NSD3: variants seen among roughly 807,000 people sequenced by gnomAD.
NSD3 encodes histone-lysine N-methyltransferase NSD3.
In NSD3, 24 loss-of-function variants were observed where a neutral mutation model predicts 160.8. The observed-to-expected ratio is 0.15, with a 90% CI of 0.11 to 0.21. The LOEUF is 0.21. Ranked by LOEUF, NSD3 falls within the 10% of genes least tolerant of loss-of-function variation. NSD3 has a pLI of 1.00. For synonymous variants in NSD3, 520 were observed against 600.0 expected (o/e 0.87, Z 1.95); for missense variants, 1,157 against 1,735.9 (o/e 0.67, Z 5.93).
intron 1 of NSD3, among the ~76,000 whole-genome samples, chr8:38,376,526 C>G (rs753622045): frequency 1.3e-4 from 19 of 151,998 alleles, no homozygotes; most frequent in African/African-American, 4.6e-4. Flanking sequence ...ACCTCTGCCT[C>G]CTGGGTTCAA....
At chr8:38,371,686 C>T (rs977356097) in intron 1 of NSD3, among the ~76,000 whole-genome samples, 1 of 152,178 alleles carries the variant, frequency 6.6e-6, no homozygotes, top group Non-Finnish European at 1.5e-5. Context: ...ATACTATATT[C>T]TGATGCATTT....
intron 20 of NSD3, 54 bp from the exon 21 acceptor site, chr8:38,279,735 C>T: frequency 6.4e-7 from 1 of 1,564,026 alleles, no homozygotes; most frequent in Non-Finnish European, 8.7e-7. Flanking sequence ...CTCCCAGAAA[C>T]ATCCAACTCA....
chr8:38,362,256 C>T (rs1314108943), intron 1 of NSD3, among the ~76,000 whole-genome samples: 5 of 2,910 alleles, frequency 1.7e-3, no homozygotes, highest in Admixed American at 7.7e-3. Flanking sequence ...TACAGTAAGG[C>T]GGGGGGGGGG....
At chr8:38,361,450 C>T (rs145535098) in intron 1 of NSD3, among the ~76,000 whole-genome samples, 83 of 150,804 alleles carry the variant, frequency 5.5e-4, no homozygotes, top group African/African-American at 1.9e-3. Context: ...GATACTTGAA[C>T]AATAAAAACA....
At chr8:38,338,327 G>T (rs1810275251) in intron 3 of NSD3, among the ~76,000 whole-genome samples, 1 of 149,002 alleles carries the variant, frequency 6.7e-6, no homozygotes, top group African/African-American at 2.5e-5. Context: ...AAATACACAT[G>T]ATCAATTGAA....
chr8:38,276,768 T>C, intron 22 of NSD3: 1 of 442,620 alleles, frequency 2.3e-6, no homozygotes, highest in Non-Finnish European at 4.1e-6. Context: ...CACTGCAGCC[T>C]CGACCTCCTG....
At chr8:38,292,619 A>G (rs1246367826) in intron 16 of NSD3, among the ~76,000 whole-genome samples, 1 of 144,560 alleles carries the variant, frequency 6.9e-6, no homozygotes, top group Non-Finnish European at 1.5e-5. Flanking sequence ...CATCTCTACT[A>G]AAAAAAAAAA....
At position 38,347,820 on chromosome 8, in the gene NSD3, T is replaced by C. The variant is rs768178491; in HGVS notation, c.352A>G (p.Asn118Asp). 1 of 1,614,150 alleles carries C rather than the reference T, an allele frequency of 6.2e-7. No individual in the cohort carries two copies. Among genetic ancestry groups the C allele is most frequent in the African/African-American group, 1.3e-5 (1 of 75,032 alleles). ...TCCAGAATTTCATGTGGTCTTGTGT[T>C]TGGAATTTCTGAATGATAATAGTCA... ...PTDYYHSEIP[N>D]TRPHEILEKP... Residue 118 changes from asparagine to aspartate, a missense_variant, in exon 2 of 24, where the codon AAC becomes GAC. Coordinates refer to ENST00000317025, the MANE Select transcript of NSD3 (RefSeq NM_023034.2).
At chr8:38,333,882 G>GA (rs368105864) in intron 4 of NSD3, among the ~76,000 whole-genome samples, 17 of 147,024 alleles carry the variant, frequency 1.2e-4, no homozygotes, top group Non-Finnish European at 1.8e-4. Context: ...TCAAAAAAAA[G>GA]AAAAAAAAAA....
chr8:38,304,715 GAGTGAT>G lies in NSD3; in HGVS notation c.2477_2482del (p.Tyr826_His827del). 1 of 1,613,918 alleles carries G rather than the reference GAGTGAT, an allele frequency of 6.2e-7. No homozygotes were observed. The highest frequency in any genetic ancestry group is 8.5e-7 in the Non-Finnish European group (1 of 1,179,930). Reference sequence around the variant, plus strand: ...TCCGGCCGCAATGCAAGCATCTCCAGAGTGATAGGCAACTGGACATCTTAAACATCT... The same window carrying G: ...TCCGGCCGCAATGCAAGCATCTCCAGAGGCAACTGGACATCTTAAACATCT... On this transcript the variant is annotated inframe_deletion, in exon 14 of 24. Transcript: ENST00000317025.
chr8:38,303,756 A>C (rs1809330612), intron 14 of NSD3, among the ~76,000 whole-genome samples: 1 of 152,234 alleles, frequency 6.6e-6, no homozygotes, highest in Non-Finnish European at 1.5e-5. Context: ...TGGGCCTTAG[A>C]GGCCTTGAGA....
In NSD3 at chr8:38,288,969, C is replaced by G. The variant is rs1808931534; in HGVS notation, c.3232-213G>C. Among the ~76,000 whole-genome samples, 1 of 152,044 alleles carries G rather than the reference C, an allele frequency of 6.6e-6. No individual in the cohort carries two copies. Among genetic ancestry groups the G allele is most frequent in the Admixed American group, 6.6e-5 (1 of 15,254 alleles). ...TCATGTGAATTTTCACTTATTTATC[C>G]TGGGTATTTCTACTTTCACTAGATG... On this transcript the variant is annotated intron_variant, in intron 18 of 23. Coordinates refer to ENST00000317025, the MANE Select transcript of NSD3 (RefSeq NM_023034.2). This position sits in a 1 kb window ranked among gnomAD's most constrained non-coding sequence, Gnocchi z 4.5.
intron 1 of NSD3, among the ~76,000 whole-genome samples, chr8:38,367,354 C>A (rs1205864551): frequency 6.6e-6 from 1 of 152,072 alleles, no homozygotes; most frequent in East Asian, 1.9e-4. Context: ...CTCCTATTAT[C>A]AATACATAAG....
chr8:38,286,824 G>C (rs1024184443), intron 19 of NSD3, among the ~76,000 whole-genome samples: 1 of 152,142 alleles, frequency 6.6e-6, no homozygotes, highest in South Asian at 2.1e-4. Context: ...CCAGTCTGAC[G>C]TGCTCTTCTC....
intron 11 of NSD3, 130 bp from the exon 12 acceptor site, chr8:38,314,903 C>T (rs969055673): frequency 3.8e-5 from 33 of 859,164 alleles, no homozygotes; most frequent in Admixed American, 1.1e-4. Context: ...GCGGGGGCCC[C>T]AAGAATGTGC....
At chr8:38,309,729 ACT>A (rs1448915155) in intron 12 of NSD3, among the ~76,000 whole-genome samples, 4 of 152,068 alleles carry the variant, frequency 2.6e-5, no homozygotes, top group African/African-American at 9.7e-5. Flanking sequence ...CTGTTACAGA[ACT>A]CTTTTTGGAG....
At chr8:38,283,048 G>A (rs1180908839) in intron 19 of NSD3, among the ~76,000 whole-genome samples, 2 of 152,150 alleles carry the variant, frequency 1.3e-5, no homozygotes, top group Non-Finnish European at 2.9e-5. Flanking sequence ...CCAAACTATT[G>A]TCCAGAGTTG....
At chr8:38,307,161 C>T (rs1413606235) in intron 12 of NSD3, among the ~76,000 whole-genome samples, 1 of 146,678 alleles carries the variant, frequency 6.8e-6, no homozygotes, top group South Asian at 2.2e-4. Flanking sequence ...TAAATAAATA[C>T]AAAAAAACTT....
At chr8:38,290,348 A>G in intron 17 of NSD3, 127 bp downstream of exon 17, 1 of 938,926 alleles carries the variant, frequency 1.1e-6, no homozygotes, top group Non-Finnish European at 1.7e-6. Flanking sequence ...CTGGAAGCTT[A>G]TGGACACAGG....
Sources: gnomAD v4.1 joint callset for allele counts (sites outside exome capture counted in the v4.1 genomes callset) on GRCh38, gnomAD v4.1.1 for gene constraint, Gnocchi (gnomAD v3.1) non-coding constraint, MANE v1.5 for transcripts, NCBI Gene and HGNC (gene_info 2026-07-23, HGNC 2026-07-21) for gene names.